The following NRCAM variants were observed in gnomAD, a reference collection of about 807,000 sequenced individuals.
NRCAM encodes the protein NgCAM-related cell adhesion molecule.
A neutral mutation model predicts 156.5 loss-of-function variants in NRCAM; 83 were observed. That is an observed-to-expected ratio of 0.53 (90% confidence interval 0.44 to 0.64). The LOEUF (loss-of-function observed/expected upper bound fraction) is 0.64. Among genes scored for constraint, NRCAM ranks in the 30% least tolerant of loss-of-function variants. The pLI is 0.00. For missense variants in NRCAM, 1,417 were observed against 1,597.3 expected (o/e 0.89, Z 1.92); for synonymous variants, 538 against 563.9 (o/e 0.95, Z 0.65).
intron 13 of NRCAM, among the ~76,000 whole-genome samples, chr7:108,204,067 C>T (rs1204392117): frequency 6.6e-6 from 1 of 152,166 alleles, no homozygotes; most frequent in Non-Finnish European, 1.5e-5. Flanking sequence ...TCAGCAAACT[C>T]CAGATGGGAA....
intron 3 of NRCAM, among the ~76,000 whole-genome samples, chr7:108,264,878 CACAATAATCTCA>C (rs546165526): frequency 6.1e-4 from 93 of 152,240 alleles, no homozygotes; most frequent in African/African-American, 2.2e-3. Context: ...ATAAGGAAAA[CACAATAATCTCA>C]ACACCTCCTC....
At chr7:108,374,486 T>C (rs1443469429) in intron 2 of NRCAM, among the ~76,000 whole-genome samples, 29 of 152,174 alleles carry the variant, frequency 1.9e-4, no homozygotes, top group Non-Finnish European at 1.5e-5. Context: ...TAATGTTCTG[T>C]TCCCAGAATG....
At chr7:108,171,130 C>A (rs190763822) in intron 28 of NRCAM, among the ~76,000 whole-genome samples, 73 of 152,292 alleles carry the variant, frequency 4.8e-4, no homozygotes, top group Admixed American at 1.2e-3. Context: ...TCACAGAGCA[C>A]CTATTTTGTA....
chr7:108,164,043 C>T (rs368676975), intron 30 of NRCAM, among the ~76,000 whole-genome samples: 303 of 20,888 alleles, frequency 0.015, 28 homozygotes, highest in African/African-American at 0.063. Context: ...GAGGTCATAC[C>T]GGGTGGGGTG....
intron 2 of NRCAM, among the ~76,000 whole-genome samples, chr7:108,384,362 G>GA (rs1487496813): frequency 3.3e-5 from 5 of 151,876 alleles, no homozygotes; most frequent in Non-Finnish European, 2.9e-5. Flanking sequence ...TGAACTGGTA[G>GA]AAAAAAAATA....
chr7:108,233,328 GCTTAT>G (rs2094540234), intron 6 of NRCAM, among the ~76,000 whole-genome samples: 1 of 152,118 alleles, frequency 6.6e-6, no homozygotes. Flanking sequence ...CCTTCCCACT[GCTTAT>G]CTTTATAGCA....
At chr7:108,278,433 G>A (rs2097726877) in intron 3 of NRCAM, among the ~76,000 whole-genome samples, 1 of 152,312 alleles carries the variant, frequency 6.6e-6, no homozygotes, top group East Asian at 1.9e-4. Flanking sequence ...TACACGGTGA[G>A]CACAGAACCA....
At chr7:108,327,079 C>T (rs1318559395) in intron 2 of NRCAM, among the ~76,000 whole-genome samples, 2 of 152,148 alleles carry the variant, frequency 1.3e-5, no homozygotes, top group Non-Finnish European at 2.9e-5. Context: ...CCAGAGCCTT[C>T]CTATTAAGAG....
At position 108,275,754 on chromosome 7, in the gene NRCAM, GTTAT is replaced by G. The variant is rs768906700; in HGVS notation, c.-106-35588_-106-35585del. 5.8e-4 allele frequency among the ~76,000 whole-genome samples: 88 copies of G among 152,180 alleles called. 1 individual carries two copies. The highest frequency in any genetic ancestry group is 3.4e-3 in the Middle Eastern group (1 of 294). Reference sequence around the variant, plus strand: ...CTCCTTCAGTTCTGCTCTGATCTTAGTTATTTATTGTCTTCTGCTAGCTTTTGAA... The same window carrying G: ...CTCCTTCAGTTCTGCTCTGATCTTAGTTATTGTCTTCTGCTAGCTTTTGAA... On this transcript the variant is annotated intron_variant, in intron 3 of 32. Transcript: ENST00000379028.
In NRCAM at chr7:108,181,924, A is replaced by C; in HGVS notation, c.2544T>G (p.Ala848=). ...CCACATTCACACGCACGTTCCCAGG[A>C]GCCACCATTGGGACTAGGAAAAGGA... The part of the protein sequence containing the change: ...GHSGEDLPMV[A]PGNVRVNVVN... The change falls in exon 24 of 33, where the codon GCT becomes GCG. Residue 848 remains alanine, a synonymous_variant. Coordinates refer to ENST00000379028, the MANE Select transcript of NRCAM (RefSeq NM_001037132.4). 1 of 1,613,548 alleles carries C rather than the reference A, an allele frequency of 6.2e-7. No homozygotes were observed. Among genetic ancestry groups the C allele is most frequent in the Non-Finnish European group, 8.5e-7 (1 of 1,179,488 alleles).
chr7:108,222,181 A>G (rs889416911), intron 11 of NRCAM, among the ~76,000 whole-genome samples: 1 of 152,218 alleles, frequency 6.6e-6, no homozygotes, highest in African/African-American at 2.4e-5. Flanking sequence ...TGAAGGTAAG[A>G]AGGAGATGGA....
chr7:108,206,799 C>T (rs1404325551), intron 13 of NRCAM, among the ~76,000 whole-genome samples: 2 of 152,170 alleles, frequency 1.3e-5, no homozygotes, highest in Admixed American at 1.3e-4. Flanking sequence ...GGGCCTGAAG[C>T]CACACGCTGG....
chr7:108,276,743 A>T (rs113746757), intron 3 of NRCAM, among the ~76,000 whole-genome samples: 6,289 of 152,042 alleles, frequency 0.041, 444 homozygotes, highest in African/African-American at 0.14. Context: ...ACATTTAAGG[A>T]TAATATTGTT....
At chr7:108,234,011 A>G (rs1408806264) in intron 6 of NRCAM, among the ~76,000 whole-genome samples, 3 of 152,212 alleles carry the variant, frequency 2.0e-5, no homozygotes, top group East Asian at 1.9e-4. Context: ...GCAAGATCCA[A>G]ATGGCATGAA....
chr7:108,319,572 T>C (rs188739814), intron 2 of NRCAM, among the ~76,000 whole-genome samples: 7 of 152,346 alleles, frequency 4.6e-5, no homozygotes, highest in African/African-American at 1.7e-4. Context: ...AGAAGATAGA[T>C]ATTGAACAAA....
intron 3 of NRCAM, among the ~76,000 whole-genome samples, chr7:108,293,683 T>G (rs1308088195): frequency 6.6e-6 from 1 of 152,204 alleles, no homozygotes; most frequent in Non-Finnish European, 1.5e-5. Context: ...TCACAGACAT[T>G]TTTATCATTT....
At chr7:108,166,009 T>C (rs895074333) in intron 30 of NRCAM, among the ~76,000 whole-genome samples, 2 of 152,364 alleles carry the variant, frequency 1.3e-5, no homozygotes, top group African/African-American at 4.8e-5. Flanking sequence ...ATGTTTCACA[T>C]GAACATTTTT....
chr7:108,210,682 C>T (rs902713008), intron 11 of NRCAM, among the ~76,000 whole-genome samples: 6 of 152,080 alleles, frequency 3.9e-5, no homozygotes, highest in African/African-American at 1.4e-4. Flanking sequence ...TCCTTAGTTG[C>T]CTTAATAGGG....
At chr7:108,353,926 C>T (rs1481961379) in intron 2 of NRCAM, among the ~76,000 whole-genome samples, 2 of 152,220 alleles carry the variant, frequency 1.3e-5, no homozygotes, top group African/African-American at 4.8e-5. Context: ...GTGGTAAGTA[C>T]AACCACTCCA....
Sources: gnomAD v4.1 joint callset for allele counts (sites outside exome capture counted in the v4.1 genomes callset) on GRCh38, gnomAD v4.1.1 for gene constraint, MANE v1.5 for transcripts, NCBI Gene and HGNC (gene_info 2026-07-23, HGNC 2026-07-21) for gene names.